RALYL: variants seen among roughly 807,000 people sequenced by gnomAD.
RALYL encodes the protein RNA-binding Raly-like protein.
In RALYL, 29 loss-of-function variants were observed where a neutral mutation model predicts 35.1. That is an observed-to-expected ratio of 0.83 (90% CI 0.61 to 1.13). The LOEUF (loss-of-function observed/expected upper bound fraction) is 1.13, where lower values mean the gene tolerates loss of function less well. Among genes scored for constraint, RALYL ranks in the 50% most tolerant of loss-of-function variants. The pLI is 0.00. For synonymous variants in RALYL, 120 were observed against 127.6 expected (o/e 0.94, Z 0.40); for missense variants, 359 against 360.4 (o/e 1.00, Z 0.03).
intron 1 of RALYL, among the ~76,000 whole-genome samples, chr8:84,424,048 G>T (rs2046025421): frequency 6.6e-6 from 1 of 151,968 alleles, no homozygotes; most frequent in Non-Finnish European, 1.5e-5. Context: ...TCTTCTTGAG[G>T]AGTATCTTTG....
At chr8:84,538,464 C>A (rs1431079061) in intron 2 of RALYL, among the ~76,000 whole-genome samples, 2 of 152,198 alleles carry the variant, frequency 1.3e-5, no homozygotes, top group East Asian at 3.9e-4. Context: ...TTTTAGAATG[C>A]TCTACTACTG....
chr8:84,801,017 T>C (rs1823119357), intron 3 of RALYL, among the ~76,000 whole-genome samples: 1 of 152,128 alleles, frequency 6.6e-6, no homozygotes, highest in South Asian at 2.1e-4. Flanking sequence ...TTGAGAAAAA[T>C]GAGGTTATTC....
intron 1 of RALYL, among the ~76,000 whole-genome samples, chr8:84,317,898 C>G (rs1421090737): frequency 2.0e-5 from 3 of 151,870 alleles, no homozygotes; most frequent in African/African-American, 7.2e-5. Context: ...TACCTTTTTT[C>G]TTTCTCTTCT....
intron 1 of RALYL, among the ~76,000 whole-genome samples, chr8:84,468,569 C>A (rs1042778067): frequency 6.8e-6 from 1 of 147,836 alleles, no homozygotes; most frequent in Non-Finnish European, 1.5e-5. Flanking sequence ...CTCTGGCTGC[C>A]CTTAACATTT....
intron 8 of RALYL, among the ~76,000 whole-genome samples, chr8:84,910,050 T>A (rs1847236503): frequency 6.6e-6 from 1 of 152,090 alleles, no homozygotes; most frequent in Non-Finnish European, 1.5e-5. Flanking sequence ...CAGAAAAGGA[T>A]GGACAGAGGA....
intron 1 of RALYL, among the ~76,000 whole-genome samples, chr8:84,337,116 T>G (rs955518900): frequency 6.6e-6 from 1 of 151,470 alleles, no homozygotes; most frequent in African/African-American, 2.4e-5. Context: ...ATTATTACAT[T>G]TTTACTTGAA....
chr8:84,895,848 C>T (rs1354862164), intron 8 of RALYL, among the ~76,000 whole-genome samples: 1 of 152,136 alleles, frequency 6.6e-6, no homozygotes, highest in South Asian at 2.1e-4. Flanking sequence ...TAACTTCATG[C>T]ATTTAATTTT....
chr8:84,879,310 G>A (rs979575450), intron 7 of RALYL, among the ~76,000 whole-genome samples: 1 of 152,032 alleles, frequency 6.6e-6, no homozygotes, highest in Non-Finnish European at 1.5e-5. Context: ...CATAGAGAAC[G>A]AATTTTTAAA....
chr8:84,769,756 C>A (rs1479776162), intron 2 of RALYL, among the ~76,000 whole-genome samples: 3 of 151,844 alleles, frequency 2.0e-5, no homozygotes, highest in African/African-American at 7.3e-5. Context: ...CAAAAACAAA[C>A]AAAAAAACCC....
At chr8:84,643,755 GC>G (rs1402762071) in intron 2 of RALYL, among the ~76,000 whole-genome samples, 2 of 152,052 alleles carry the variant, frequency 1.3e-5, no homozygotes, top group African/African-American at 4.8e-5. Flanking sequence ...TGGAGAAGTA[GC>G]CACATTCACA....
intron 2 of RALYL, among the ~76,000 whole-genome samples, chr8:84,631,206 T>G (rs763358242): frequency 7.9e-5 from 12 of 151,992 alleles, no homozygotes; most frequent in Non-Finnish European, 1.6e-4. Flanking sequence ...AAAGTCTGTC[T>G]TTCAGAAATC....
chr8:84,359,074 C>T (rs1321027534), intron 1 of RALYL, among the ~76,000 whole-genome samples: 1 of 151,806 alleles, frequency 6.6e-6, no homozygotes, highest in African/African-American at 2.4e-5. Context: ...ACACATGCAC[C>T]ACAAAGTATT....
chr8:84,385,032 G>C (rs1343471664), intron 1 of RALYL, among the ~76,000 whole-genome samples: 1 of 151,724 alleles, frequency 6.6e-6, no homozygotes, highest in Non-Finnish European at 1.5e-5. Context: ...GGTTGTACGA[G>C]GACCTAAATA....
At chr8:84,740,424 G>A (rs1178207817) in intron 2 of RALYL, among the ~76,000 whole-genome samples, 4 of 151,950 alleles carry the variant, frequency 2.6e-5, no homozygotes, top group African/African-American at 9.7e-5. Context: ...ATACAATAAA[G>A]CATAATTTAT....
At chr8:84,730,890 A>T (rs1846047707) in intron 2 of RALYL, among the ~76,000 whole-genome samples, 1 of 152,274 alleles carries the variant, frequency 6.6e-6, no homozygotes, top group East Asian at 1.9e-4. Context: ...AAACTAAAAT[A>T]AAAGAGATAA....
At chr8:84,187,431 G>A (rs1297316786) in intron 1 of RALYL, among the ~76,000 whole-genome samples, 2 of 151,802 alleles carry the variant, frequency 1.3e-5, no homozygotes, top group Non-Finnish European at 2.9e-5. Flanking sequence ...TATTTTTTAT[G>A]GTCATAATCA....
At chr8:84,414,678 A>T (rs1183570383) in intron 1 of RALYL, among the ~76,000 whole-genome samples, 1 of 152,174 alleles carries the variant, frequency 6.6e-6, no homozygotes, top group African/African-American at 2.4e-5. Flanking sequence ...CTGCAGATGA[A>T]ATTTCCTAAT....
At chr8:84,218,669 G>T (rs1821432340) in intron 1 of RALYL, among the ~76,000 whole-genome samples, 1 of 152,008 alleles carries the variant, frequency 6.6e-6, no homozygotes, top group African/African-American at 2.4e-5. Context: ...TTGGAATTAG[G>T]TGCCTGTCCT....
At chr8:84,272,890 G>A (rs1834603064) in intron 1 of RALYL, among the ~76,000 whole-genome samples, 1 of 152,100 alleles carries the variant, frequency 6.6e-6, no homozygotes. Context: ...GTTTTTCCAT[G>A]TCTAACCATC....
Sources: allele counts gnomAD v4.1 joint callset (sites outside exome capture counted in the v4.1 genomes callset), GRCh38; gene constraint gnomAD v4.1.1; transcripts MANE v1.5; gene names NCBI Gene and HGNC (gene_info 2026-07-23, HGNC 2026-07-21).